STRA6: variants seen among roughly 807,000 people sequenced by gnomAD.
STRA6 encodes receptor for retinol uptake STRA6.
STRA6 carries 48 observed loss-of-function variants against 83.6 expected under a neutral mutation model. The ratio of observed to expected loss-of-function variants is 0.57; its 90% CI spans 0.46 to 0.73. The LOEUF (loss-of-function observed/expected upper bound fraction) is 0.73, where lower values mean the gene tolerates loss of function less well. Ranked by LOEUF, STRA6 falls within the 30% of genes least tolerant of loss-of-function variation. The pLI, the probability that STRA6 is intolerant of heterozygous loss-of-function variation, is 0.00. For missense variants in STRA6, 760 were observed against 838.8 expected (o/e 0.91, Z 1.16); for synonymous variants, 353 against 362.3 (o/e 0.97, Z 0.29).
upstream of STRA6, among the ~76,000 whole-genome samples, chr15:74,203,580 T>C (rs1401478937): frequency 7.9e-5 from 12 of 152,250 alleles, no homozygotes; most frequent in Admixed American, 7.9e-4. Context: ...GCTAAGGCAG[T>C]CATTCAACAG....
exon 1 of STRA6, chr15:74,208,891 A>T: frequency 1.0e-6 from 1 of 989,516 alleles, no homozygotes; most frequent in Non-Finnish European, 1.2e-6. Flanking sequence ...CCAGGCAAGC[A>T]GGGTGCTCCC....
In STRA6 at chr15:74,202,343, GA is replaced by G. The variant is rs34975666; in HGVS notation, c.-15-62del. On this transcript the variant is annotated intron_variant, in intron 1 of 18. Transcript: ENST00000395105. Reference sequence around the variant, plus strand: ...CAGATGTGAAAAGAGGCTTAAAAGAGAAAAAAAAAGAAAGAAAGACGGAAAA... The same window carrying G: ...CAGATGTGAAAAGAGGCTTAAAAGAGAAAAAAAAGAAAGAAAGACGGAAAA... 0.19 allele frequency: 288,617 copies of G among 1,555,896 alleles called. 30,547 individuals are homozygous for G. Among genetic ancestry groups the G allele is most frequent in the Non-Finnish European group, 0.21 (246,820 of 1,152,468 alleles).
At chr15:74,184,103 A>C (rs753964975) in intron 13 of STRA6, 114 bp from the exon 14 acceptor site, 20 of 1,488,798 alleles carry the variant, frequency 1.3e-5, no homozygotes, top group Non-Finnish European at 1.8e-5. Context: ...CACAGCCATC[A>C]GCAGGGAAGC....
Position 74,191,258 on chromosome 15 carries a change from A to G in STRA6, c.789-15T>C, listed in dbSNP as rs1445177780. ...AGGTGTGGTAGCTGCAGAAAGACCC[A>G]GGCAGGTGCGGGGTCCTCAGGGGAA... On this transcript the variant is annotated splice_polypyrimidine_tract_variant and intron_variant, in intron 9 of 18. Coordinates refer to ENST00000395105, the MANE Select transcript of STRA6 (RefSeq NM_022369.4). 1 of 1,613,184 alleles carries G rather than the reference A, an allele frequency of 6.2e-7. No homozygotes were observed. The highest frequency in any genetic ancestry group is 1.3e-5 in the African/African-American group (1 of 74,902).
upstream of STRA6, among the ~76,000 whole-genome samples, chr15:74,206,023 T>C (rs2074254168): frequency 6.6e-6 from 1 of 152,212 alleles, no homozygotes; most frequent in South Asian, 2.1e-4. Flanking sequence ...TGGGACTGGC[T>C]ATGTGGCCTT....
Position 74,180,201 on chromosome 15 carries a change from G to C in STRA6, c.1883C>G (p.Ala628Gly). 1 of 1,614,108 alleles carries C rather than the reference G, an allele frequency of 6.2e-7. No homozygotes were observed. The highest frequency in any genetic ancestry group is 1.1e-5 in the South Asian group (1 of 91,086). ...LQTKDSMAKG[A>G]RPGASRGRAR... is the part of the protein sequence containing the mutation. Reference sequence around the variant, plus strand: ...CCTGCCGCGGCTGGCCCCGGGCCTAGCTCCCTTGGCCATGGAGTCCTTTGT... The same window carrying C: ...CCTGCCGCGGCTGGCCCCGGGCCTACCTCCCTTGGCCATGGAGTCCTTTGT... The change falls in exon 19 of 19, where the codon GCT becomes GGT. Residue 628 changes from alanine to glycine, a missense_variant. Transcript: ENST00000395105.
rs1407610601 is a variant in STRA6 at position 74,190,856 on chromosome 15, C to T, written c.911G>A (p.Gly304Glu). 1.5e-5 allele frequency: 25 copies of T among 1,613,938 alleles called. No individual in the cohort carries two copies. The highest frequency in any genetic ancestry group is 2.0e-5 in the Non-Finnish European group (24 of 1,180,028). ...GGGACATACCTGGTAAATGGCCGTC[C>T]CTGTCAGTGTAGCTGAAAGCACCAG... is the stretch of plus-strand genomic sequence containing the variant. ...LKLVLSATLTGTAIYQVALLL... is the reference protein window; with the variant it reads ...LKLVLSATLTETAIYQVALLL... The change falls in exon 11 of 19, where the codon GGG becomes GAG. Residue 304 changes from glycine to glutamate, a missense_variant. Transcript: ENST00000395105.
In STRA6 at chr15:74,188,001, C is replaced by T. The variant is rs964153841; in HGVS notation, c.1090+1114G>A. ...ACCTGCCTATGAACCAGATTGCAAC[C>T]AGCTCAGAAAATCTCCTGGGAGAGG... On this transcript the variant is annotated intron_variant, in intron 12 of 18. Coordinates refer to ENST00000395105, the MANE Select transcript of STRA6 (RefSeq NM_022369.4). The surrounding 1 kb of genome is among the most constrained non-coding windows in gnomAD (Gnocchi z 4.5). Among the ~76,000 whole-genome samples the T allele has an allele frequency of 4.6e-5, 7 of 152,190 alleles. No homozygotes were observed. Among genetic ancestry groups the T allele is most frequent in the African/African-American group, 1.7e-4 (7 of 41,458 alleles).
rs1361681930 is a variant in STRA6 at position 74,190,830 on chromosome 15, A to G, written c.927+10T>C. 1 of 1,613,940 alleles carries G rather than the reference A, an allele frequency of 6.2e-7. No individual in the cohort carries two copies. The highest frequency in any genetic ancestry group is 8.5e-7 in the Non-Finnish European group (1 of 1,180,000). On this transcript the variant is annotated intron_variant, in intron 11 of 18. Transcript: ENST00000395105. ...CAGAGGCAGATGGCAGTACAGGGTG[A>G]GGGACATACCTGGTAAATGGCCGTC...
chr15:74,188,834 A>T lies in STRA6; in HGVS notation c.1090+281T>A, dbSNP rs1413394739. Among the ~76,000 whole-genome samples the T allele has an allele frequency of 6.6e-6, 1 of 151,730 alleles. No homozygotes were observed. The highest frequency in any genetic ancestry group is 2.4e-5 in the African/African-American group (1 of 41,260). ...CCATCCCATGGCCTTCCTCATCTCCATGCCTGGATAGTTGGTCAGAGACAC... is the reference window on the plus strand; with the variant it reads ...CCATCCCATGGCCTTCCTCATCTCCTTGCCTGGATAGTTGGTCAGAGACAC... On this transcript the variant is annotated intron_variant, in intron 12 of 18. Transcript: ENST00000395105. This position sits in a 1 kb window ranked among gnomAD's most constrained non-coding sequence, Gnocchi z 4.5.
rs1179457880 is a variant in STRA6, at chr15:74,194,013, C to A, written c.598-91G>T. 6 of 1,576,800 alleles carry A rather than the reference C, an allele frequency of 3.8e-6. No homozygotes were observed. The Admixed American group carries it at 8.5e-5, about 22-fold the overall frequency. On this transcript the variant is annotated intron_variant, in intron 7 of 18. Transcript: ENST00000395105. ...GTTGCCCTTCCCACCTCACACTGGGCCCTGAGGGTGGTCTGGGGGGCCATG... is the reference window on the plus strand; with the variant it reads ...GTTGCCCTTCCCACCTCACACTGGGACCTGAGGGTGGTCTGGGGGGCCATG...
chr15:74,202,599 A>C, intron 1 of STRA6, 114 bp downstream of exon 1: 3 of 1,457,732 alleles, frequency 2.1e-6, no homozygotes, highest in East Asian at 5.0e-5. Flanking sequence ...AACCACCAGC[A>C]GGCGTGTGTT....
chr15:74,204,453 C>G (rs1362703715), upstream of STRA6, among the ~76,000 whole-genome samples: 1 of 152,218 alleles, frequency 6.6e-6, no homozygotes, highest in African/African-American at 2.4e-5. Flanking sequence ...CCAGAGTCCC[C>G]GTGCCCACAC....
chr15:74,181,523 A>G (rs1176250559), intron 16 of STRA6, 65 bp from the exon 17 acceptor site: 1 of 1,585,962 alleles, frequency 6.3e-7, no homozygotes, highest in Non-Finnish European at 8.6e-7. Flanking sequence ...GGTCAGTGTC[A>G]GACCTGGATG....
intron 17 of STRA6, 50 bp downstream of exon 17, chr15:74,181,245 C>T (rs1456778293): frequency 3.1e-6 from 5 of 1,606,858 alleles, no homozygotes; most frequent in South Asian, 2.2e-5. Context: ...ATGCCTTCCT[C>T]ACTGCTTGGG....
upstream of STRA6, chr15:74,209,717 A>G: frequency 2.3e-6 from 1 of 432,136 alleles, no homozygotes; most frequent in Non-Finnish European, 4.1e-6. Context: ...GGCTCTCCCT[A>G]CCCCTCCCTC....
intron 13 of STRA6, 125 bp from the exon 14 acceptor site, chr15:74,184,114 C>G: frequency 1.5e-5 from 22 of 1,431,668 alleles, no homozygotes; most frequent in Non-Finnish European, 2.0e-5. Flanking sequence ...GCAGGGAAGC[C>G]CAGAACTGTG....
At chr15:74,181,093 G>A (rs889528091) in intron 17 of STRA6, among the ~76,000 whole-genome samples, 156 bp from the exon 18 acceptor site, 6 of 152,134 alleles carry the variant, frequency 3.9e-5, no homozygotes, top group African/African-American at 9.7e-5. Context: ...GCATGGGCAC[G>A]TGTGGACCTG....
At chr15:74,196,174 G>A (rs757300500) in intron 4 of STRA6, 27 bp from the exon 5 acceptor site, 62 of 1,612,352 alleles carry the variant, frequency 3.8e-5, no homozygotes, top group Middle Eastern at 1.6e-4. Flanking sequence ...GACAGGGCAG[G>A]AGGGAGTTGC....
Sources: allele counts gnomAD v4.1 joint callset (sites outside exome capture counted in the v4.1 genomes callset), GRCh38; gene constraint gnomAD v4.1.1; non-coding constraint Gnocchi (gnomAD v3.1); transcripts MANE v1.5; gene names NCBI Gene and HGNC (gene_info 2026-07-23, HGNC 2026-07-21).